Variants in BLK observed in about 807,000 individuals in gnomAD.
BLK encodes tyrosine-protein kinase Blk.
A neutral mutation model predicts 61.8 loss-of-function variants in BLK; 64 were observed. The ratio of observed to expected loss-of-function variants is 1.03; its 90% CI spans 0.85 to 1.27. The LOEUF (loss-of-function observed/expected upper bound fraction) is 1.27, where lower values mean the gene tolerates loss of function less well. BLK is among the 50% of genes most tolerant of loss of function. The pLI, the probability that BLK is intolerant of heterozygous loss-of-function variation, is 0.00. For synonymous variants in BLK, 351 were observed against 272.0 expected (o/e 1.29, Z -2.86); for missense variants, 853 against 660.5 (o/e 1.29, Z -3.19).
In BLK at chr8:11,564,040, G is replaced by A. The variant is rs763539850; in HGVS notation, c.1450G>A (p.Glu484Lys). The A allele has an allele frequency of 2.5e-6, 4 of 1,603,938 alleles. No individual in the cohort carries two copies. Among genetic ancestry groups the A allele is most frequent in the Non-Finnish European group, 3.4e-6 (4 of 1,178,634 alleles). The change falls in exon 13 of 13, where the codon GAG becomes AAG. Residue 484 changes from glutamate (E) to lysine (K), a missense_variant. Glu to Lys is a moderately conservative substitution (Grantham distance 56). Coordinates refer to ENST00000259089, the MANE Select transcript of BLK (RefSeq NM_001715.3). ...RSRPEERPTF[E>K]FLQSVLEDFY... ...CCGGCCCGAGGAGCGGCCCACCTTC[G>A]AGTTCCTGCAGTCGGTGCTGGAGGA...
intron 7 of BLK, 28 bp from the exon 8 acceptor site, chr8:11,555,304 C>T (rs748214310): frequency 6.2e-7 from 1 of 1,613,640 alleles, no homozygotes; most frequent in Middle Eastern, 1.7e-4. Flanking sequence ...TGGTAACCCC[C>T]AGCCCTGTCT....
chr8:11,506,035 C>T (rs539383828), intron 1 of BLK, among the ~76,000 whole-genome samples: 72 of 152,328 alleles, frequency 4.7e-4, no homozygotes, highest in African/African-American at 1.7e-3. Context: ...ACAGTGGGCC[C>T]AACAGGGAGG....
At chr8:11,560,005 G>A (rs894638944) in intron 10 of BLK, 10 of 363,822 alleles carry the variant, frequency 2.7e-5, no homozygotes, top group African/African-American at 1.9e-4. Context: ...TTAGTTATCA[G>A]AACGAGTACT....
At chr8:11,542,364 C>A (rs959490690) in intron 1 of BLK, among the ~76,000 whole-genome samples, 1 of 152,308 alleles carries the variant, frequency 6.6e-6, no homozygotes, top group South Asian at 2.1e-4. Flanking sequence ...TTCTGACACG[C>A]GTGGGGACTT....
At chr8:11,515,069 G>A (rs1799169401) in intron 1 of BLK, among the ~76,000 whole-genome samples, 1 of 152,132 alleles carries the variant, frequency 6.6e-6, no homozygotes, top group South Asian at 2.1e-4. Context: ...CTCCACACAG[G>A]CCAGCAGTCA....
At chr8:11,530,287 A>G (rs1376706740) in intron 1 of BLK, among the ~76,000 whole-genome samples, 2 of 152,120 alleles carry the variant, frequency 1.3e-5, no homozygotes, top group Admixed American at 1.3e-4. Context: ...TTTCTTCTTG[A>G]GGTCCCAACA....
At chr8:11,505,480 G>A (rs774935297) in intron 1 of BLK, among the ~76,000 whole-genome samples, 33 of 152,238 alleles carry the variant, frequency 2.2e-4, no homozygotes, top group African/African-American at 7.5e-4. Context: ...GCCTCTGGCC[G>A]GTGTCCCTGA....
chr8:11,512,243 C>T (rs575218174), intron 1 of BLK, among the ~76,000 whole-genome samples: 59 of 152,284 alleles, frequency 3.9e-4, no homozygotes, highest in African/African-American at 1.1e-3. Flanking sequence ...ACCTCGTGAA[C>T]GAAGACTAGT....
chr8:11,546,468 C>A (rs1000009455), intron 3 of BLK, among the ~76,000 whole-genome samples: 4 of 152,174 alleles, frequency 2.6e-5, no homozygotes, highest in African/African-American at 9.7e-5. Flanking sequence ...TGCCTCCAGC[C>A]CCTGTCCGCT....
intron 5 of BLK, among the ~76,000 whole-genome samples, chr8:11,549,379 A>G (rs2117491585): frequency 6.6e-6 from 1 of 152,334 alleles, no homozygotes; most frequent in East Asian, 1.9e-4. Flanking sequence ...CCCTGGATGG[A>G]ACCGGCCCCA....
chr8:11,539,719 G>T (rs764124591), intron 1 of BLK, among the ~76,000 whole-genome samples: 6 of 152,212 alleles, frequency 3.9e-5, no homozygotes, highest in South Asian at 2.1e-4. Context: ...TTAGCAATTT[G>T]GATTCAGCAA....
intron 9 of BLK, 110 bp from the exon 10 acceptor site, chr8:11,557,852 C>T: frequency 1.1e-6 from 1 of 888,662 alleles, no homozygotes; most frequent in Non-Finnish European, 1.9e-6. Flanking sequence ...TCTGAGGGTG[C>T]AAACTCCCAC....
At chr8:11,549,401 C>T (rs549610505) in intron 5 of BLK, among the ~76,000 whole-genome samples, 2 of 152,312 alleles carry the variant, frequency 1.3e-5, no homozygotes, top group East Asian at 3.9e-4. Flanking sequence ...TGTCTGATGG[C>T]CTCGAAGGCT....
At chr8:11,535,457 A>C (rs1378942796) in intron 1 of BLK, among the ~76,000 whole-genome samples, 1 of 152,220 alleles carries the variant, frequency 6.6e-6, no homozygotes, top group Non-Finnish European at 1.5e-5. Flanking sequence ...CGTGTTTTCT[A>C]TCTTCATGTG....
At chr8:11,556,433 A>G in intron 8 of BLK, 1 of 592,864 alleles carries the variant, frequency 1.7e-6, no homozygotes, top group South Asian at 1.9e-5. Flanking sequence ...AATAGGTGAA[A>G]TGCCCCCCAG....
chr8:11,557,918 C>T (rs373527126), intron 9 of BLK, 44 bp from the exon 10 acceptor site: 61 of 1,580,100 alleles, frequency 3.9e-5, no homozygotes, highest in Admixed American at 1.2e-4. Flanking sequence ...CCACCAGGGG[C>T]GGGTCACTTT....
At chr8:11,531,348 G>A (rs1260543302) in intron 1 of BLK, among the ~76,000 whole-genome samples, 1 of 151,968 alleles carries the variant, frequency 6.6e-6, no homozygotes, top group Non-Finnish European at 1.5e-5. Flanking sequence ...TATACTTTAT[G>A]ATCTTCTATT....
chr8:11,535,581 A>G (rs1800102928), intron 1 of BLK, among the ~76,000 whole-genome samples: 1 of 152,172 alleles, frequency 6.6e-6, no homozygotes, highest in Non-Finnish European at 1.5e-5. Context: ...CCCAACTAAC[A>G]AGTGTGGAAG....
intron 1 of BLK, among the ~76,000 whole-genome samples, chr8:11,514,599 A>G (rs905504953): frequency 1.3e-5 from 2 of 152,148 alleles, no homozygotes; most frequent in African/African-American, 4.8e-5. Context: ...CGAAGCTGCC[A>G]CTGTGGGCCT....
Sources: gnomAD v4.1 joint callset for allele counts (sites outside exome capture counted in the v4.1 genomes callset) on GRCh38, gnomAD v4.1.1 for gene constraint, MANE v1.5 for transcripts, NCBI Gene and HGNC (gene_info 2026-07-23, HGNC 2026-07-21) for gene names.